The following TCHP variants were observed in gnomAD, a reference collection of about 807,000 sequenced individuals.
The protein encoded by TCHP is trichoplein keratin filament-binding protein.
A neutral mutation model predicts 88.7 loss-of-function variants in TCHP; 81 were observed. That is an observed-to-expected ratio of 0.91 (90% CI 0.76 to 1.10). The LOEUF is 1.10. Among genes scored for constraint, TCHP ranks in the 50% least tolerant of loss-of-function variants. TCHP has a pLI of 0.00. For synonymous variants in TCHP, 232 were observed against 232.5 expected (o/e 1.00, Z 0.02); for missense variants, 641 against 632.1 (o/e 1.01, Z -0.15).
intron 5 of TCHP, 54 bp downstream of exon 5, chr12:109,906,694 A>C (rs941899337): frequency 1.4e-6 from 2 of 1,458,756 alleles, no homozygotes; most frequent in African/African-American, 2.8e-5. Context: ...GAGACTGTTC[A>C]CGTCTTTGCA....
At position 109,907,583 on chromosome 12, in the gene TCHP, C is replaced by T. The variant is rs757308819; in HGVS notation, c.583C>T (p.Arg195Ter). The T allele has an allele frequency of 1.4e-5, 22 of 1,613,962 alleles. No individual in the cohort carries two copies. Among genetic ancestry groups the T allele is most frequent in the Middle Eastern group, 1.6e-4 (1 of 6,082 alleles). ...GTATGAAAATGAATATGAAAGGGCC[C>T]GAAGGGAGGCGCTAGAAAGGATGAA... ...KRYENEYERA[R>*]REALERMKAE... The change falls in exon 6 of 13, where the codon CGA (arginine) becomes TGA (stop). Residue 195 changes from arginine (R) to a stop codon, truncating the protein, a stop_gained. Transcript: ENST00000405876. LOFTEE classifies it high-confidence loss of function.
chr12:109,908,184 C>G (rs1458209215), intron 6 of TCHP, among the ~76,000 whole-genome samples: 1 of 152,194 alleles, frequency 6.6e-6, no homozygotes, highest in Non-Finnish European at 1.5e-5. Flanking sequence ...CTCACTTCCC[C>G]TTGCCCAGGC....
chr12:109,902,349 A>G (rs1184668743), intron 1 of TCHP, among the ~76,000 whole-genome samples: 2 of 151,600 alleles, frequency 1.3e-5, no homozygotes, highest in Non-Finnish European at 2.9e-5. Context: ...TTGATTTTTT[A>G]TAGAGATGAG....
At chr12:109,910,373 A>G (rs1028383919) in intron 8 of TCHP, among the ~76,000 whole-genome samples, 5 of 151,994 alleles carry the variant, frequency 3.3e-5, no homozygotes, top group African/African-American at 4.8e-5. Context: ...CTGGATTGCA[A>G]TGGCGCAATC....
upstream of TCHP, among the ~76,000 whole-genome samples, chr12:109,897,089 A>G (rs192685893): frequency 6.6e-6 from 1 of 152,200 alleles, no homozygotes; most frequent in Non-Finnish European, 1.5e-5. Flanking sequence ...TCATGGCTCA[A>G]CCACCTATCA....
intron 1 of TCHP, among the ~76,000 whole-genome samples, chr12:109,902,334 A>G (rs558390812): frequency 1.7e-4 from 26 of 151,166 alleles, no homozygotes; most frequent in South Asian, 4.2e-4. Context: ...ACTCCTGGCT[A>G]ATTTTTGATT....
At chr12:109,910,933 G>C in intron 8 of TCHP, 130 bp from the exon 9 acceptor site, 1 of 1,334,656 alleles carries the variant, frequency 7.5e-7, no homozygotes, top group South Asian at 1.8e-5. Context: ...TCCCATCTCT[G>C]TCTTGAGAAC....
At chr12:109,891,726 C>T in the TCHP span, among the ~76,000 whole-genome samples, 8 of 150,162 alleles carry the variant, frequency 5.3e-5, no homozygotes, top group East Asian at 2.0e-4. Context: ...TTTTTTGAGA[C>T]GAAGTTTTGC....
upstream of TCHP, among the ~76,000 whole-genome samples, chr12:109,896,428 G>A (rs891106173): frequency 1.3e-5 from 2 of 152,198 alleles, no homozygotes; most frequent in African/African-American, 4.8e-5. Context: ...AATGGGGGCA[G>A]GAACAAACTC....
intron 8 of TCHP, among the ~76,000 whole-genome samples, chr12:109,910,377 C>T (rs577836807): frequency 1.1e-4 from 16 of 152,246 alleles, no homozygotes; most frequent in South Asian, 2.1e-4. Flanking sequence ...ATTGCAATGG[C>T]GCAATCACGG....
chr12:109,906,648 A>G lies in TCHP; in HGVS notation c.525+8A>G, dbSNP rs1044497870. ...AAAGAAGAAAAAAAACAGGTGTGGTATGTGGCTCTGGGAATAGCCGCGTAT... is the reference window on the plus strand; with the variant it reads ...AAAGAAGAAAAAAAACAGGTGTGGTGTGTGGCTCTGGGAATAGCCGCGTAT... On this transcript the variant is annotated splice_region_variant and intron_variant, in intron 5 of 12. Transcript: ENST00000405876. 3 of 1,604,362 alleles carry G rather than the reference A, an allele frequency of 1.9e-6. No individual in the cohort carries two copies. The highest frequency in any genetic ancestry group is 2.5e-6 in the Non-Finnish European group (3 of 1,179,214).
chr12:109,915,809 C>G (rs373399504), intron 12 of TCHP, among the ~76,000 whole-genome samples: 8 of 152,304 alleles, frequency 5.3e-5, no homozygotes, highest in African/African-American at 1.9e-4. Flanking sequence ...CCTGTCCACC[C>G]TCTTTGGTCA....
In TCHP at chr12:109,912,972, C is replaced by G; in HGVS notation, c.1053-19C>G. On this transcript the variant is annotated intron_variant, in intron 9 of 12. Transcript: ENST00000405876. Reference sequence around the variant, plus strand: ...AGGGCGGGGAGGAGCCTGCTGTCATCCCTTTTGTGTTTGCCCAGGGAGGAG... The same window carrying G: ...AGGGCGGGGAGGAGCCTGCTGTCATGCCTTTTGTGTTTGCCCAGGGAGGAG... 1.2e-6 allele frequency: 2 copies of G among 1,612,372 alleles called. No homozygotes were observed. The highest frequency in any genetic ancestry group is 1.7e-6 in the Non-Finnish European group (2 of 1,178,638).
intron 11 of TCHP, chr12:109,914,938 C>T: frequency 2.5e-6 from 1 of 408,070 alleles, no homozygotes; most frequent in South Asian, 2.4e-5. Flanking sequence ...TAAGACAGAA[C>T]AGTCCTCCAA....
At chr12:109,888,413 A>G in the TCHP span, 1 of 152,348 alleles carries the variant, frequency 6.6e-6, no homozygotes, top group East Asian at 1.9e-4. Flanking sequence ...ATTAATCTGT[A>G]GGACCAGCTT....
the TCHP span, among the ~76,000 whole-genome samples, chr12:109,894,240 C>T: frequency 1.0e-4 from 15 of 150,344 alleles, no homozygotes; most frequent in African/African-American, 3.2e-4. Context: ...GGGCGGATCA[C>T]GAGATCAGGA....
chr12:109,893,956 C>T, the TCHP span, among the ~76,000 whole-genome samples: 1 of 151,908 alleles, frequency 6.6e-6, no homozygotes, highest in African/African-American at 2.4e-5. Flanking sequence ...GGTTGAGGCA[C>T]GTGGATTACT....
intron 6 of TCHP, 25 bp from the exon 7 acceptor site, chr12:109,908,561 G>A (rs769365104): frequency 3.2e-6 from 5 of 1,562,828 alleles, no homozygotes; most frequent in African/African-American, 1.3e-5. Context: ...GATCTCAGTC[G>A]AGCTTACTCT....
intron 9 of TCHP, among the ~76,000 whole-genome samples, chr12:109,912,449 C>T (rs1870560078): frequency 6.6e-6 from 1 of 152,158 alleles, no homozygotes; most frequent in African/African-American, 2.4e-5. Context: ...GTAAGTCATC[C>T]CAATTCCTTT....
Sources: gnomAD v4.1 joint callset for allele counts (sites outside exome capture counted in the v4.1 genomes callset) on GRCh38, gnomAD v4.1.1 for gene constraint, MANE v1.5 for transcripts, NCBI Gene and HGNC (gene_info 2026-07-23, HGNC 2026-07-21) for gene names.